LZTS1: variants seen among roughly 807,000 people sequenced by gnomAD.
The protein encoded by LZTS1 is leucine zipper tumor suppressor 1, also known as leucine zipper putative tumor suppressor 1.
Under a neutral mutation model 45.8 loss-of-function variants are expected in LZTS1, and 31 were observed. The observed-to-expected ratio is 0.68, with a 90% CI of 0.51 to 0.91. The LOEUF is 0.91. LZTS1 is among the 40% of genes least tolerant of loss of function. LZTS1 has a pLI of 0.00. For synonymous variants in LZTS1, 359 were observed against 357.3 expected (o/e 1.00, Z -0.05); for missense variants, 821 against 788.9 (o/e 1.04, Z -0.49).
chr8:20,271,117 G>T (rs1305437824), intron 1 of LZTS1, among the ~76,000 whole-genome samples: 1 of 152,078 alleles, frequency 6.6e-6, no homozygotes, highest in East Asian at 1.9e-4. Context: ...GAAGCCTGTG[G>T]CCATTCCCAA....
rs1054226492 is a variant in LZTS1, at chr8:20,249,574, C to T, written c.*148G>A. 6.2e-6 allele frequency: 6 copies of T among 971,070 alleles called. No homozygotes were observed. The highest frequency in any genetic ancestry group is 3.3e-5 in the African/African-American group (2 of 60,732). The allele number at this position is 971,070 out of a possible 1,614,324, so 60.2% of individuals were successfully genotyped here. On this transcript the variant is annotated 3_prime_UTR_variant, in exon 4 of 4. Coordinates refer to ENST00000381569, the MANE Select transcript of LZTS1 (RefSeq NM_021020.5). The stretch of plus-strand genomic sequence containing the variant: ...GGGACATCAGAGAGGGAAGGAAAGG[C>T]CATCCTGCCCTCCCCTCGGGGGTCC...
At chr8:20,292,280 C>T (rs983538259) in intron 1 of LZTS1, among the ~76,000 whole-genome samples, 1 of 152,198 alleles carries the variant, frequency 6.6e-6, no homozygotes, top group African/African-American at 2.4e-5. Flanking sequence ...TCACTGACAT[C>T]CCACCTGGCA....
At chr8:20,287,602 G>C (rs754439396) in intron 1 of LZTS1, among the ~76,000 whole-genome samples, 1 of 152,106 alleles carries the variant, frequency 6.6e-6, no homozygotes, top group Non-Finnish European at 1.5e-5. Flanking sequence ...TCAGTCCAGA[G>C]AGAGAAGAGT....
chr8:20,268,161 C>T (rs1800398841), intron 1 of LZTS1, among the ~76,000 whole-genome samples: 1 of 126,706 alleles, frequency 7.9e-6, no homozygotes, highest in African/African-American at 3.2e-5. Context: ...ACTCCCCACC[C>T]CCACCCCCAC....
At position 20,280,535 on chromosome 8, in the gene LZTS1, C is replaced by T. The variant is rs184570480; in HGVS notation, c.-135+23205G>A. On this transcript the variant is annotated intron_variant, in intron 1 of 3. Coordinates refer to ENST00000381569, the MANE Select transcript of LZTS1 (RefSeq NM_021020.5). ...GGCGCGTGCACATGTGTTCAGACCC[C>T]ATGTCCCATTAGCAGTGAGAACACT... Among the ~76,000 whole-genome samples, 83 of 152,260 alleles carry T rather than the reference C, an allele frequency of 5.5e-4. 1 individual carries two copies. The highest frequency in any genetic ancestry group is 3.4e-3 in the Middle Eastern group (1 of 294).
intron 1 of LZTS1, among the ~76,000 whole-genome samples, chr8:20,291,187 T>TC (rs1470320999): frequency 6.6e-6 from 1 of 152,222 alleles, no homozygotes; most frequent in African/African-American, 2.4e-5. Context: ...TCCAGAGTGA[T>TC]CAAGGTACCA....
chr8:20,276,588 T>C (rs534552220), intron 1 of LZTS1, among the ~76,000 whole-genome samples: 9 of 152,372 alleles, frequency 5.9e-5, no homozygotes, highest in Non-Finnish European at 1.0e-4. Context: ...GTATCCTTTG[T>C]AATATCCTGT....
At chr8:20,294,225 A>C (rs1800945320) in intron 1 of LZTS1, among the ~76,000 whole-genome samples, 1 of 152,220 alleles carries the variant, frequency 6.6e-6, no homozygotes, top group African/African-American at 2.4e-5. Context: ...GTCCAACATC[A>C]AGAAAAAGTT....
chr8:20,251,843 G>A (rs2735950), intron 3 of LZTS1, among the ~76,000 whole-genome samples: 121,577 of 151,930 alleles, frequency 0.8, 48,849 homozygotes, highest in East Asian at 0.93. Flanking sequence ...GGGCATAAAC[G>A]TCGATGACGG....
At chr8:20,286,653 C>A (rs2128898143) in intron 1 of LZTS1, among the ~76,000 whole-genome samples, 1 of 152,274 alleles carries the variant, frequency 6.6e-6, no homozygotes, top group East Asian at 1.9e-4. Flanking sequence ...GTACACCTGG[C>A]AGAAATGGCC....
intron 1 of LZTS1, among the ~76,000 whole-genome samples, chr8:20,281,407 A>C (rs1279329053): frequency 8.2e-5 from 1 of 12,228 alleles, no homozygotes; most frequent in Non-Finnish European, 2.6e-4. Context: ...TAAAAATACA[A>C]AAAAAAAAAA....
intron 1 of LZTS1, among the ~76,000 whole-genome samples, chr8:20,270,833 T>TGTGTGTG (rs1563878388): frequency 2.5e-4 from 30 of 119,262 alleles, no homozygotes; most frequent in South Asian, 1.7e-3. Context: ...GTGTGTGTGT[T>TGTGTGTG]TGTGTGTGTG....
intron 1 of LZTS1, among the ~76,000 whole-genome samples, chr8:20,288,427 A>G (rs1255863872): frequency 1.3e-5 from 2 of 152,132 alleles, no homozygotes; most frequent in Non-Finnish European, 2.9e-5. Flanking sequence ...GGCGGGGAGG[A>G]CACAGCTTCC....
chr8:20,275,217 C>G (rs1800554835), intron 1 of LZTS1, among the ~76,000 whole-genome samples: 1 of 152,042 alleles, frequency 6.6e-6, no homozygotes, highest in Non-Finnish European at 1.5e-5. Context: ...GCCTGGCCAA[C>G]ATGGTGAAAC....
At chr8:20,258,703 C>A (rs765358085) in intron 1 of LZTS1, among the ~76,000 whole-genome samples, 1 of 152,124 alleles carries the variant, frequency 6.6e-6, no homozygotes, top group African/African-American at 2.4e-5. Flanking sequence ...AACATTTACT[C>A]AATACTTAGT....
chr8:20,274,207 C>T (rs1800529837), intron 1 of LZTS1, among the ~76,000 whole-genome samples: 1 of 152,208 alleles, frequency 6.6e-6, no homozygotes. Context: ...CACTGTACTC[C>T]CAGCTTCGAG....
chr8:20,300,246 T>A (rs554165668), intron 1 of LZTS1, among the ~76,000 whole-genome samples: 1 of 152,326 alleles, frequency 6.6e-6, no homozygotes, highest in South Asian at 2.1e-4. Flanking sequence ...GCCAAAGGTC[T>A]CTGAGAGCTC....
intron 1 of LZTS1, among the ~76,000 whole-genome samples, chr8:20,284,169 T>C (rs1478430519): frequency 3.9e-5 from 6 of 152,188 alleles, no homozygotes; most frequent in Non-Finnish European, 7.3e-5. Context: ...ATAACCGCTC[T>C]TTCCAACTGA....
At chr8:20,280,718 C>T (rs539314363) in intron 1 of LZTS1, among the ~76,000 whole-genome samples, 2 of 152,268 alleles carry the variant, frequency 1.3e-5, no homozygotes, top group South Asian at 4.1e-4. Context: ...TGACAGTTCC[C>T]TTCCTTAAAG....
Sources: allele counts gnomAD v4.1 joint callset (sites outside exome capture counted in the v4.1 genomes callset), GRCh38; gene constraint gnomAD v4.1.1; transcripts MANE v1.5; gene names NCBI Gene and HGNC (gene_info 2026-07-23, HGNC 2026-07-21).